VWDE: variants seen among roughly 807,000 people sequenced by gnomAD.
VWDE encodes von Willebrand factor D and EGF domain-containing protein.
Under a neutral mutation model 178.4 loss-of-function variants are expected in VWDE, and 207 were observed. The ratio of observed to expected loss-of-function variants is 1.16; its 90% CI spans 1.04 to 1.30. The LOEUF (loss-of-function observed/expected upper bound fraction) is 1.30. Among genes scored for constraint, VWDE ranks in the 50% most tolerant of loss-of-function variants. The probability of loss-of-function intolerance (pLI) is 0.00; values close to 1 mark genes in which losing one functional copy is unlikely to be tolerated. For missense variants in VWDE, 2,287 were observed against 1,901.3 expected (o/e 1.20, Z -3.77); for synonymous variants, 738 against 651.4 (o/e 1.13, Z -2.02).
At chr7:12,374,032 C>G (rs1252367935) in intron 9 of VWDE, among the ~76,000 whole-genome samples, 2 of 152,042 alleles carry the variant, frequency 1.3e-5, no homozygotes, top group Non-Finnish European at 1.5e-5. Flanking sequence ...AAACCACAAC[C>G]ATTTGCATCA....
intron 4 of VWDE, among the ~76,000 whole-genome samples, chr7:12,381,283 G>C (rs1783839954): frequency 6.6e-6 from 1 of 151,994 alleles, no homozygotes; most frequent in Non-Finnish European, 1.5e-5. Context: ...TTTCCTCTAA[G>C]AACTCACAGG....
Position 12,393,606 on chromosome 7 carries a change from G to A in VWDE, c.231C>T (p.Thr77=). The A allele has an allele frequency of 6.5e-7, 1 of 1,548,136 alleles. No homozygotes were observed. The highest frequency in any genetic ancestry group is 1.2e-5 in the South Asian group (1 of 83,426). Residue 77 remains threonine (T), a synonymous_variant, in exon 2 of 29, where the codon ACC becomes ACT. Coordinates refer to ENST00000275358, the MANE Select transcript of VWDE (RefSeq NM_001135924.3). ...LILDRPAEMP[T]KCVEMNHCGT... Reference sequence around the variant, plus strand: ...GGAGTTGACATACCTCAACACATTTGGTTGGCATCTCGGCAGGTCTGTCAA... The same window carrying A: ...GGAGTTGACATACCTCAACACATTTAGTTGGCATCTCGGCAGGTCTGTCAA...
At chr7:12,354,723 TG>T (rs560317726) in intron 18 of VWDE, among the ~76,000 whole-genome samples, 2,772 of 152,010 alleles carry the variant, frequency 0.018, 82 homozygotes, top group African/African-American at 0.064. Flanking sequence ...CATACGATTT[TG>T]TTTTTGTAAA....
chr7:12,356,305 A>T lies in VWDE; in HGVS notation c.3551T>A (p.Leu1184Ter). ...ATCAGATACACATGATCCACCATTC[A>T]AGCAATCACAAGACTTCACAGTCAC... ...IEVTVKSCDC[L>*]NGGSCVSDRN... The change falls in exon 18 of 29, where the codon TTG becomes TAG. Residue 1184 changes from leucine (L) to a stop codon, truncating the protein, a stop_gained. Transcript: ENST00000275358. LOFTEE classifies it high-confidence loss of function. 1 of 1,551,532 alleles carries T rather than the reference A, an allele frequency of 6.4e-7. No individual in the cohort carries two copies.
intron 1 of VWDE, among the ~76,000 whole-genome samples, chr7:12,400,963 A>AT (rs564966416): frequency 5.3e-5 from 8 of 152,182 alleles, no homozygotes; most frequent in Non-Finnish European, 8.8e-5. Flanking sequence ...TGAAATCCAC[A>AT]TGTTCATCTC....
chr7:12,344,806 T>C (rs1467921541), intron 19 of VWDE, among the ~76,000 whole-genome samples: 1 of 152,144 alleles, frequency 6.6e-6, no homozygotes, highest in African/African-American at 2.4e-5. Context: ...AAGTGATATA[T>C]AACTTGCTGT....
intron 4 of VWDE, among the ~76,000 whole-genome samples, chr7:12,380,967 G>A (rs1260325080): frequency 6.6e-6 from 1 of 152,136 alleles, no homozygotes; most frequent in East Asian, 1.9e-4. Context: ...ATTAATGCAG[G>A]TTGAATATCT....
intron 13 of VWDE, among the ~76,000 whole-genome samples, chr7:12,363,449 G>C (rs755990679): frequency 3.3e-5 from 5 of 151,966 alleles, no homozygotes; most frequent in Non-Finnish European, 7.4e-5. Flanking sequence ...CCTTAAAATT[G>C]GATTTTGTAG....
Position 12,337,281 on chromosome 7 carries a change from A to G in VWDE, c.4367-9T>C. 6.5e-7 allele frequency: 1 copy of G among 1,550,148 alleles called. No individual in the cohort carries two copies. The highest frequency in any genetic ancestry group is 8.7e-7 in the Non-Finnish European group (1 of 1,145,466). Reference sequence around the variant, plus strand: ...GGGAGGGTGACAGAAAGCTAAAAGAACACATGGCAGCAATCTGTGAATATT... The same window carrying G: ...GGGAGGGTGACAGAAAGCTAAAAGAGCACATGGCAGCAATCTGTGAATATT... On this transcript the variant is annotated splice_polypyrimidine_tract_variant and intron_variant, in intron 24 of 28. Transcript: ENST00000275358.
rs1782552942 is a variant in VWDE at position 12,361,155 on chromosome 7, T to C, written c.3151A>G (p.Thr1051Ala). ...ATGAAAAAAATACATACCTTTATAG[T>C]ACATGAGTCATTTTTATAGAGACCA... is the stretch of plus-strand genomic sequence containing the variant. ...VCGLYKNDSC[T>A]IKENVCIIDG... The change falls in exon 15 of 29, where the codon ACT becomes GCT. Residue 1051 changes from threonine to alanine, a missense_variant. By Grantham distance (58) the Thr-to-Ala change is moderately conservative. Transcript: ENST00000275358. The C allele has an allele frequency of 6.6e-7, 1 of 1,522,614 alleles. No individual in the cohort carries two copies. The allele number at this position is 1,522,614 out of a possible 1,614,324, so 94.3% of individuals were successfully genotyped here. A position where few individuals can be genotyped will look rare whatever the true frequency, so the allele number is the denominator to read the frequency against.
intron 24 of VWDE, 49 bp from the exon 25 acceptor site, chr7:12,337,321 T>C (rs976221953): frequency 4.3e-6 from 6 of 1,386,926 alleles, no homozygotes; most frequent in Non-Finnish European, 6.0e-6. Flanking sequence ...ATCCCATTAC[T>C]ACATATGATA....
At chr7:12,371,305 A>G (rs1460082407) in intron 10 of VWDE, among the ~76,000 whole-genome samples, 1 of 152,172 alleles carries the variant, frequency 6.6e-6, no homozygotes, top group Non-Finnish European at 1.5e-5. Context: ...AGCATTCTCT[A>G]GTTGCCAGTA....
At chr7:12,335,868 T>C (rs891648874) in intron 27 of VWDE, among the ~76,000 whole-genome samples, 1 of 152,212 alleles carries the variant, frequency 6.6e-6, no homozygotes, top group African/African-American at 2.4e-5. Context: ...ATACCTTCTT[T>C]GGCCCACCTG....
At chr7:12,380,305 A>G (rs886441264) in intron 5 of VWDE, among the ~76,000 whole-genome samples, 181 bp downstream of exon 5, 10 of 151,542 alleles carry the variant, frequency 6.6e-5, no homozygotes, top group Non-Finnish European at 1.2e-4. Context: ...AGTCACTAAG[A>G]TCACTGACTC....
At chr7:12,393,809 A>G in intron 1 of VWDE, 31 bp from the exon 2 acceptor site, 1 of 1,500,352 alleles carries the variant, frequency 6.7e-7, no homozygotes, top group Non-Finnish European at 8.9e-7. Flanking sequence ...TTTTTATGTA[A>G]TGTGTTTTGT....
intron 3 of VWDE, among the ~76,000 whole-genome samples, chr7:12,385,016 A>ACATATT (rs1198452773): frequency 3.9e-5 from 6 of 152,158 alleles, no homozygotes; most frequent in Non-Finnish European, 7.4e-5. Flanking sequence ...AAAATATAAC[A>ACATATT]CATATTCATA....
At chr7:12,343,266 GT>G (rs1781425702) in intron 21 of VWDE, 88 bp from the exon 22 acceptor site, 1 of 903,560 alleles carries the variant, frequency 1.1e-6, no homozygotes, top group African/African-American at 1.7e-5. Context: ...ATAAAATCTT[GT>G]TGTAAGAGTA....
intron 1 of VWDE, 62 bp downstream of exon 1, chr7:12,403,597 G>T (rs1785015728): frequency 6.7e-7 from 1 of 1,490,506 alleles, no homozygotes. Flanking sequence ...GTCTAGCCTA[G>T]TCCCTCTACC....
Position 12,401,868 on chromosome 7 carries a change from T to C in VWDE, c.58+1791A>G, listed in dbSNP as rs145906820. On this transcript the variant is annotated intron_variant, in intron 1 of 28. Coordinates refer to ENST00000275358, the MANE Select transcript of VWDE (RefSeq NM_001135924.3). ...TGCTTTATAGCAACATTATTTATAA[T>C]AGTCAAAAGGTGGAAACAACTCAAA... Among the ~76,000 whole-genome samples, 710 of 152,290 alleles carry C rather than the reference T, an allele frequency of 4.7e-3. 3 individuals carry two copies. The highest frequency in any genetic ancestry group is 0.016 in the African/African-American group (667 of 41,568).
Sources: gnomAD v4.1 joint callset for allele counts (sites outside exome capture counted in the v4.1 genomes callset) on GRCh38, gnomAD v4.1.1 for gene constraint, MANE v1.5 for transcripts, NCBI Gene and HGNC (gene_info 2026-07-23, HGNC 2026-07-21) for gene names.